SMAD2: variants seen among roughly 807,000 people sequenced by gnomAD.
SMAD2 encodes the protein SMAD family member 2.
SMAD2 carries 8 observed loss-of-function variants against 64.4 expected under a neutral mutation model. That is an observed-to-expected ratio of 0.12 (90% CI 0.07 to 0.22). The LOEUF is 0.22. SMAD2 is among the 10% of genes least tolerant of loss of function. The pLI, the probability that SMAD2 is intolerant of heterozygous loss-of-function variation, is 1.00. For missense variants in SMAD2, 289 were observed against 561.2 expected (o/e 0.51, Z 4.90); for synonymous variants, 203 against 195.8 (o/e 1.04, Z -0.31).
intron 1 of SMAD2, among the ~76,000 whole-genome samples, chr18:47,909,813 C>T (rs1356060696): frequency 6.6e-6 from 1 of 152,134 alleles, no homozygotes; most frequent in Non-Finnish European, 1.5e-5. Context: ...TGGACAATGT[C>T]GCTGGTAACC....
chr18:47,848,080 G>GA (rs1226487551), intron 8 of SMAD2, among the ~76,000 whole-genome samples: 15 of 150,810 alleles, frequency 9.9e-5, no homozygotes, highest in Non-Finnish European at 2.1e-4. Flanking sequence ...ACCAAAGGGG[G>GA]AAAAAACCTG....
intron 1 of SMAD2, among the ~76,000 whole-genome samples, chr18:47,899,892 T>C (rs2033612929): frequency 6.6e-6 from 1 of 152,148 alleles, no homozygotes; most frequent in Non-Finnish European, 1.5e-5. Context: ...TAAAATGACT[T>C]AATATCCTTT....
intron 8 of SMAD2, among the ~76,000 whole-genome samples, chr18:47,847,700 CAAAAAAAA>C (rs58794971): frequency 4.5e-5 from 5 of 111,936 alleles, no homozygotes; most frequent in African/African-American, 7.4e-5. Context: ...ATTTCCAAAG[CAAAAAAAA>C]AAAAAAAAAA....
At chr18:47,870,779 GATT>G (rs2031883007) in intron 2 of SMAD2, among the ~76,000 whole-genome samples, 1 of 152,158 alleles carries the variant, frequency 6.6e-6, no homozygotes, top group Admixed American at 6.6e-5. Flanking sequence ...GATAAGTCAT[GATT>G]ATGTTTTTAA....
chr18:47,872,121 C>T lies in SMAD2; in HGVS notation c.237-1557G>A, dbSNP rs574166574. Among the ~76,000 whole-genome samples the T allele has an allele frequency of 3.5e-4, 53 of 152,262 alleles. No homozygotes were observed. The East Asian group carries it at 3.9e-3, about 11-fold the overall frequency. On this transcript the variant is annotated intron_variant, in intron 2 of 10. Transcript: ENST00000262160. ...TAAGAACTTGCAATCAATCTAGAGG[C>T]AGACAGATCTAGACCCCAACCCTAA... is the stretch of plus-strand genomic sequence containing the variant.
intron 6 of SMAD2, among the ~76,000 whole-genome samples, chr18:47,854,492 ATTT>A (rs2030473197): frequency 6.6e-6 from 1 of 152,080 alleles, no homozygotes; most frequent in South Asian, 2.1e-4. Flanking sequence ...AAAAGGAGCA[ATTT>A]TTTAATTTCT....
Position 47,817,215 on chromosome 18 carries a change from T to C in SMAD2, c.*24612A>G, listed in dbSNP as rs1351289382. The C allele has an allele frequency of 1.3e-5, 2 of 152,246 alleles. No individual in the cohort carries two copies. Among genetic ancestry groups the C allele is most frequent in the Non-Finnish European group, 2.9e-5 (2 of 68,062 alleles). The allele number at this position is 152,246 out of a possible 1,614,324, so 9.4% of individuals were successfully genotyped here. On this transcript the variant is annotated 3_prime_UTR_variant, in exon 11 of 11. Transcript: ENST00000262160. ...TGGTGATCTCAGAATCAGTATGCAG[T>C]ACTCACAGGAGCCCTTTGGGCTCTC...
At chr18:47,867,323 C>A (rs919642134) in intron 5 of SMAD2, 1 of 152,070 alleles carries the variant, frequency 6.6e-6, no homozygotes, top group East Asian at 1.9e-4. Context: ...AAAAACTTAT[C>A]TTTCTTAGTT....
intron 1 of SMAD2, among the ~76,000 whole-genome samples, chr18:47,919,526 T>C (rs1456571049): frequency 4.8e-5 from 6 of 124,808 alleles, no homozygotes; most frequent in South Asian, 2.5e-4. Context: ...ACACAAAGAA[T>C]AGGAGATCTA....
At position 47,845,805 on chromosome 18, in the gene SMAD2, A is replaced by G; in HGVS notation, c.998-5T>C. 1 of 1,613,142 alleles carries G rather than the reference A, an allele frequency of 6.2e-7. No individual in the cohort carries two copies. Among genetic ancestry groups the G allele is most frequent in the African/African-American group, 1.3e-5 (1 of 75,028 alleles). ...AGTATAAGCGCACTCCTCTTCCTGA[A>G]ACAAAATACAAATGAGATTAGTTTT... On this transcript the variant is annotated splice_region_variant and splice_polypyrimidine_tract_variant and intron_variant, in intron 8 of 10. Coordinates refer to ENST00000262160, the MANE Select transcript of SMAD2 (RefSeq NM_005901.6).
intron 1 of SMAD2, among the ~76,000 whole-genome samples, chr18:47,916,059 T>C (rs893984558): frequency 1.3e-5 from 2 of 152,236 alleles, no homozygotes; most frequent in Non-Finnish European, 2.9e-5. Context: ...GTTAACATGA[T>C]GAATTTCATT....
chr18:47,862,341 A>G (rs1347640193), intron 6 of SMAD2, among the ~76,000 whole-genome samples: 1 of 152,090 alleles, frequency 6.6e-6, no homozygotes, highest in African/African-American at 2.4e-5. Context: ...ACAGAAATTT[A>G]TTTTTTCAGA....
chr18:47,848,377 G>C, intron 8 of SMAD2, 98 bp downstream of exon 8: 1 of 928,764 alleles, frequency 1.1e-6, no homozygotes, highest in African/African-American at 1.6e-5. Flanking sequence ...GAGAAAGCTG[G>C]TTTTACTGCA....
chr18:47,855,669 T>A (rs577156110), intron 6 of SMAD2, among the ~76,000 whole-genome samples: 1 of 152,272 alleles, frequency 6.6e-6, no homozygotes, highest in South Asian at 2.1e-4. Context: ...TCACCCAGGT[T>A]GGAGGGCAGT....
chr18:47,845,339 C>T lies in SMAD2; in HGVS notation c.1280+1G>A. 6.2e-7 allele frequency: 1 copy of T among 1,612,996 alleles called. No individual in the cohort carries two copies. Among genetic ancestry groups the T allele is most frequent in the Non-Finnish European group, 8.5e-7 (1 of 1,179,186 alleles). ...TTAAGAACCAAATATGTATTTCATA[C>T]CGGTATTCTGCTCCCCACCCTTTCA... On this transcript the variant is annotated splice_donor_variant, in intron 10 of 10. Transcript: ENST00000262160. LOFTEE classifies it high-confidence loss of function.
At position 47,832,864 on chromosome 18, in the gene SMAD2, G is replaced by A. The variant is rs1355549640; in HGVS notation, c.*8963C>T. ...AGTGTGTGGTGTGCGCCTGTTGTGG[G>A]GTTATATTAAGTAGTATAAATTTAT... On this transcript the variant is annotated 3_prime_UTR_variant, in exon 11 of 11. Transcript: ENST00000262160. 6.5e-6 allele frequency: 1 copy of A among 153,608 alleles called. No individual in the cohort carries two copies. Among genetic ancestry groups the A allele is most frequent in the East Asian group, 1.8e-4 (1 of 5,512 alleles). 9.5% of individuals were successfully genotyped at this position (153,608 alleles called of 1,614,324 possible).
chr18:47,872,423 C>T (rs1366430563), intron 2 of SMAD2, among the ~76,000 whole-genome samples: 1 of 151,952 alleles, frequency 6.6e-6, no homozygotes. Context: ...CTAAAAAATA[C>T]AACAATTGAA....
chr18:47,923,622 G>C (rs1352933025), intron 1 of SMAD2: 1 of 152,230 alleles, frequency 6.6e-6, no homozygotes, highest in Admixed American at 6.5e-5. Context: ...CTGTTCTTCA[G>C]CTGTGCTTCA....
rs78517173 is a variant in SMAD2 at position 47,817,471 on chromosome 18, A to G, written c.*24356T>C. The G allele has an allele frequency of 6.6e-6, 1 of 152,060 alleles. No individual in the cohort carries two copies. The highest frequency in any genetic ancestry group is 1.5e-5 in the Non-Finnish European group (1 of 68,002). The allele number at this position is 152,060 out of a possible 1,614,324, so 9.4% of individuals were successfully genotyped here. A position where few individuals can be genotyped will look rare whatever the true frequency, so the allele number is the denominator to read the frequency against. On this transcript the variant is annotated 3_prime_UTR_variant, in exon 11 of 11. Transcript: ENST00000262160. ...TGGTTTGAGTACTCTGGATTTAAAA[A>G]CAATTTTTTTTTAGAGACAGTGTCT... is the stretch of plus-strand genomic sequence containing the variant.
Sources: allele counts gnomAD v4.1 joint callset (sites outside exome capture counted in the v4.1 genomes callset), GRCh38; gene constraint gnomAD v4.1.1; transcripts MANE v1.5; gene names NCBI Gene and HGNC (gene_info 2026-07-23, HGNC 2026-07-21).